RYR2: variants seen among roughly 807,000 people sequenced by gnomAD.
RYR2 encodes ryanodine receptor 2.
Under a neutral mutation model 601.1 loss-of-function variants are expected in RYR2, and 227 were observed. The ratio of observed to expected loss-of-function variants is 0.38; its 90% CI spans 0.34 to 0.42. RYR2 has a LOEUF of 0.42. Ranked by LOEUF, RYR2 falls within the 10% of genes least tolerant of loss-of-function variation. The pLI is 1.00. For missense variants in RYR2, 4,646 were observed against 6,156.5 expected (o/e 0.75, Z 8.21); for synonymous variants, 2,223 against 2,175.1 (o/e 1.02, Z -0.61).
At chr1:237,645,191 C>A (rs1681999159) in intron 48 of RYR2, among the ~76,000 whole-genome samples, 1 of 152,136 alleles carries the variant, frequency 6.6e-6, no homozygotes, top group Admixed American at 6.5e-5. Context: ...TCCTGTTTGC[C>A]AGTCATGATT....
At chr1:237,451,042 C>CATAT (rs34915737) in intron 14 of RYR2, among the ~76,000 whole-genome samples, 11 of 151,218 alleles carry the variant, frequency 7.3e-5, no homozygotes, top group Admixed American at 3.3e-4. Flanking sequence ...GTTTCTATTG[C>CATAT]ATATATATAT....
At chr1:237,776,397 G>A (rs1694659202) in intron 87 of RYR2, among the ~76,000 whole-genome samples, 1 of 152,090 alleles carries the variant, frequency 6.6e-6, no homozygotes, top group African/African-American at 2.4e-5. Context: ...GACTTGCTTT[G>A]TCGACCATTT....
chr1:237,127,040 C>T (rs1256815123), intron 1 of RYR2, among the ~76,000 whole-genome samples: 6 of 151,880 alleles, frequency 4.0e-5, no homozygotes, highest in South Asian at 4.2e-4. Flanking sequence ...TCTTGCACCG[C>T]CCTTAATCCA....
rs547761639 is a variant in RYR2, at chr1:237,692,457, C to T, written c.9067+4953C>T. On this transcript the variant is annotated intron_variant, in intron 63 of 104. Coordinates refer to ENST00000366574, the MANE Select transcript of RYR2 (RefSeq NM_001035.3). ...GATTACACTCCTGCATATTCAGTGG[C>T]TTCCCATGCCTTTAGGGTAGAAAGC... Among the ~76,000 whole-genome samples, 15 of 152,302 alleles carry T rather than the reference C, an allele frequency of 9.8e-5. No individual in the cohort carries two copies. In the South Asian group the frequency reaches 3.1e-3, roughly 32 times the overall value.
chr1:237,247,197 C>G (rs1540375), intron 1 of RYR2, among the ~76,000 whole-genome samples: 31,069 of 152,018 alleles, frequency 0.2, 3,265 homozygotes, highest in Middle Eastern at 0.26. Context: ...TTGAGAAGGA[C>G]GGAGAAGGAA....
At chr1:237,631,575 A>ATCATC (rs1266868921) in intron 42 of RYR2, 34 bp downstream of exon 42, 1 of 1,022,280 alleles carries the variant, frequency 9.8e-7, no homozygotes, top group Non-Finnish European at 1.5e-6. Flanking sequence ...GCTATTTAGT[A>ATCATC]TCATCTCCTG....
intron 17 of RYR2, among the ~76,000 whole-genome samples, chr1:237,474,217 G>A (rs1251281717): frequency 9.0e-6 from 1 of 110,908 alleles, no homozygotes; most frequent in African/African-American, 2.7e-5. Flanking sequence ...GTGTGTGTGT[G>A]TGTAGATCTA....
intron 1 of RYR2, among the ~76,000 whole-genome samples, chr1:237,193,322 C>G (rs1680208263): frequency 6.6e-6 from 1 of 152,018 alleles, no homozygotes; most frequent in Admixed American, 6.6e-5. Context: ...AAAATATTAG[C>G]CAGGCATGGT....
At chr1:237,536,119 G>T (rs1034667714) in intron 25 of RYR2, among the ~76,000 whole-genome samples, 2 of 152,074 alleles carry the variant, frequency 1.3e-5, no homozygotes, top group Admixed American at 1.3e-4. Flanking sequence ...ATCAATAGCA[G>T]GTAATATTGC....
At chr1:237,555,128 G>T (rs921115849) in intron 27 of RYR2, 6 of 152,058 alleles carry the variant, frequency 3.9e-5, no homozygotes, top group South Asian at 2.1e-4. Context: ...AGTATCAAGA[G>T]ATCCTGGTTT....
chr1:237,565,157 C>CTT lies in RYR2; in HGVS notation c.3215-1409_3215-1408insTT, dbSNP rs1347900567. Among the ~76,000 whole-genome samples, 17 of 52,866 alleles carry CTT rather than the reference C, an allele frequency of 3.2e-4. 1 individual carries two copies. The highest frequency in any genetic ancestry group is 6.4e-4 in the Non-Finnish European group (13 of 20,174). 34.7% of individuals were successfully genotyped at this position (52,866 alleles called of 152,430 possible). A position where few individuals can be genotyped will look rare whatever the true frequency, so the allele number is the denominator to read the frequency against. On this transcript the variant is annotated intron_variant, in intron 27 of 104. Coordinates refer to ENST00000366574, the MANE Select transcript of RYR2 (RefSeq NM_001035.3). ...TTTCTTTCTTTTTCTTTCTTTCTTT[C>CTT]TCTTTCTTTCTTTCTTTCTTTCTTT...
intron 87 of RYR2, among the ~76,000 whole-genome samples, chr1:237,776,757 G>C (rs1223848596): frequency 6.6e-6 from 1 of 152,054 alleles, no homozygotes; most frequent in African/African-American, 2.4e-5. Flanking sequence ...CGGGGCACAT[G>C]TAATCCCAGA....
At chr1:237,269,343 A>C (rs1320530042) in intron 1 of RYR2, among the ~76,000 whole-genome samples, 1 of 151,924 alleles carries the variant, frequency 6.6e-6, no homozygotes, top group East Asian at 1.9e-4. Context: ...GCGCCCGGCC[A>C]TATAGCATAT....
chr1:237,814,429 CT>C (rs1184091644), intron 100 of RYR2, among the ~76,000 whole-genome samples: 2 of 152,032 alleles, frequency 1.3e-5, no homozygotes, highest in Non-Finnish European at 2.9e-5. Flanking sequence ...TTTGTTGTTT[CT>C]GGTTGTTTCT....
chr1:237,331,410 G>A (rs1696696236), intron 3 of RYR2, among the ~76,000 whole-genome samples: 1 of 152,170 alleles, frequency 6.6e-6, no homozygotes, highest in Non-Finnish European at 1.5e-5. Context: ...TCATGGCACT[G>A]TTATATATTT....
At chr1:237,548,212 T>C (rs1670021588) in intron 25 of RYR2, among the ~76,000 whole-genome samples, 1 of 152,216 alleles carries the variant, frequency 6.6e-6, no homozygotes, top group Non-Finnish European at 1.5e-5. Context: ...TTCTGTCTTA[T>C]TGGTGTAAAA....
intron 3 of RYR2, among the ~76,000 whole-genome samples, chr1:237,353,417 G>A (rs1338614264): frequency 1.3e-5 from 2 of 150,798 alleles, no homozygotes; most frequent in African/African-American, 4.9e-5. Flanking sequence ...ACTGAGACAG[G>A]AGAATCGCTT....
At chr1:237,508,803 C>T (rs1040320201) in intron 23 of RYR2, among the ~76,000 whole-genome samples, 12 of 120,540 alleles carry the variant, frequency 1.0e-4, no homozygotes, top group South Asian at 5.6e-4. Context: ...AGTGCAGTGG[C>T]GGGATCTCGG....
chr1:237,169,305 CTT>C, intron 1 of RYR2, among the ~76,000 whole-genome samples: 1 of 142,786 alleles, frequency 7.0e-6, no homozygotes, highest in Middle Eastern at 3.6e-3. Flanking sequence ...TTTTCTTCTT[CTT>C]CTTTTTTTTT....
Sources: allele counts gnomAD v4.1 joint callset (sites outside exome capture counted in the v4.1 genomes callset), GRCh38; gene constraint gnomAD v4.1.1; transcripts MANE v1.5; gene names NCBI Gene and HGNC (gene_info 2026-07-23, HGNC 2026-07-21).